Variants in AGBL4 observed in about 807,000 individuals in gnomAD.
AGBL4 encodes cytosolic carboxypeptidase 6.
Under a neutral mutation model 66.4 loss-of-function variants are expected in AGBL4, and 58 were observed. The ratio of observed to expected loss-of-function variants is 0.87; its 90% confidence interval spans 0.71 to 1.09. The LOEUF (loss-of-function observed/expected upper bound fraction) is 1.09. Among genes scored for constraint, AGBL4 ranks in the 50% least tolerant of loss-of-function variants. The pLI, the probability that AGBL4 is intolerant of heterozygous loss-of-function variation, is 0.00. For missense variants in AGBL4, 579 were observed against 631.0 expected (o/e 0.92, Z 0.88); for synonymous variants, 234 against 222.9 (o/e 1.05, Z -0.44).
At chr1:49,586,535 G>A (rs188336736) in intron 3 of AGBL4, among the ~76,000 whole-genome samples, 28 of 152,128 alleles carry the variant, frequency 1.8e-4, no homozygotes, top group African/African-American at 5.8e-4. Flanking sequence ...GTAGAACTAA[G>A]GTTCAGAAAT....
chr1:49,451,119 C>A (rs1208451776), intron 3 of AGBL4, among the ~76,000 whole-genome samples: 1 of 152,012 alleles, frequency 6.6e-6, no homozygotes. Context: ...GTACACATTT[C>A]CTTACTGTTT....
At chr1:48,550,689 A>G (rs1644236419) in intron 11 of AGBL4, among the ~76,000 whole-genome samples, 1 of 152,144 alleles carries the variant, frequency 6.6e-6, no homozygotes, top group Non-Finnish European at 1.5e-5. Flanking sequence ...GAGCTGGCAG[A>G]TGAAACATCC....
At chr1:48,677,051 C>T (rs1005956500) in intron 6 of AGBL4, among the ~76,000 whole-genome samples, 44 of 152,166 alleles carry the variant, frequency 2.9e-4, no homozygotes, top group Non-Finnish European at 2.8e-4. Context: ...CAGTCCCCTC[C>T]AGTTCTAAAA....
chr1:48,913,785 G>A (rs138076662), intron 5 of AGBL4, among the ~76,000 whole-genome samples: 2 of 152,196 alleles, frequency 1.3e-5, no homozygotes, highest in Non-Finnish European at 2.9e-5. Context: ...ACCATCCCTC[G>A]CCCTGACCTA....
chr1:49,690,720 G>A (rs1034007678), intron 3 of AGBL4, among the ~76,000 whole-genome samples: 3 of 152,142 alleles, frequency 2.0e-5, no homozygotes, highest in Non-Finnish European at 2.9e-5. Context: ...CAGAGCAAAT[G>A]AGAACCTGTG....
intron 1 of AGBL4, among the ~76,000 whole-genome samples, chr1:49,974,680 C>A (rs1041152740): frequency 1.3e-5 from 2 of 152,084 alleles, no homozygotes; most frequent in Non-Finnish European, 2.9e-5. Flanking sequence ...ATTTTCATGA[C>A]CCTAATAGGA....
At chr1:49,432,347 G>T (rs1400489172) in intron 3 of AGBL4, among the ~76,000 whole-genome samples, 1 of 152,064 alleles carries the variant, frequency 6.6e-6, no homozygotes, top group Non-Finnish European at 1.5e-5. Context: ...TAATTTCCAG[G>T]CCTTCTTCTT....
intron 5 of AGBL4, among the ~76,000 whole-genome samples, chr1:48,976,074 A>T (rs1027242658): frequency 6.6e-6 from 1 of 152,164 alleles, no homozygotes; most frequent in Admixed American, 6.6e-5. Flanking sequence ...TGGAATGAAG[A>T]TTGGAATATT....
chr1:49,668,718 G>A (rs891052107), intron 3 of AGBL4, among the ~76,000 whole-genome samples: 1 of 152,144 alleles, frequency 6.6e-6, no homozygotes, highest in Non-Finnish European at 1.5e-5. Context: ...TCCCACTCCT[G>A]AATTGATTAG....
rs1194193968 is a variant in AGBL4 at position 48,736,849 on chromosome 1, C to T, written c.635-73608G>A. ...CTCAGAGCCTTACCAAATCTCAGGACACCCATGCTTAACTTCTTTCTGTGT... is the reference window on the plus strand; with the variant it reads ...CTCAGAGCCTTACCAAATCTCAGGATACCCATGCTTAACTTCTTTCTGTGT... On this transcript the variant is annotated intron_variant, in intron 6 of 13. Transcript: ENST00000371839. The surrounding 1 kb of genome is among the most constrained non-coding windows in gnomAD (Gnocchi z 4.0). Among the ~76,000 whole-genome samples the T allele has an allele frequency of 6.6e-6, 1 of 152,174 alleles. No homozygotes were observed. The highest frequency in any genetic ancestry group is 1.9e-4 in the East Asian group (1 of 5,190).
rs928956507 is a variant in AGBL4 at position 49,846,320 on chromosome 1, C to T, written c.157+5076G>A. On this transcript the variant is annotated intron_variant, in intron 2 of 13. Coordinates refer to ENST00000371839, the MANE Select transcript of AGBL4 (RefSeq NM_032785.4). ...CTGGAGGATCCACACAGGAGAGAAG[C>T]CATATGCATGCAGGGACTATGGAAA... 5.9e-6 allele frequency: 9 copies of T among 1,531,584 alleles called. No homozygotes were observed. In the African/African-American group the frequency reaches 1.2e-4, roughly 21 times the overall value. 94.9% of individuals were successfully genotyped at this position (1,531,584 alleles called of 1,614,324 possible).
chr1:49,250,817 G>A (rs1476653635), intron 3 of AGBL4, among the ~76,000 whole-genome samples: 1 of 152,078 alleles, frequency 6.6e-6, no homozygotes, highest in Non-Finnish European at 1.5e-5. Context: ...TGGAACTCTG[G>A]CAGGAGGAGA....
intron 3 of AGBL4, among the ~76,000 whole-genome samples, chr1:49,320,656 C>A (rs1308144795): frequency 6.6e-6 from 1 of 152,144 alleles, no homozygotes; most frequent in East Asian, 1.9e-4. Context: ...CTGAGAGACA[C>A]CCCTCACCAC....
intron 11 of AGBL4, among the ~76,000 whole-genome samples, chr1:48,542,206 G>A (rs1644084557): frequency 6.6e-6 from 1 of 152,174 alleles, no homozygotes; most frequent in African/African-American, 2.4e-5. Flanking sequence ...ATTCCGTGGT[G>A]CATATGTGCC....
chr1:49,337,687 C>A (rs1042325679), intron 3 of AGBL4, among the ~76,000 whole-genome samples: 4 of 152,294 alleles, frequency 2.6e-5, no homozygotes, highest in Middle Eastern at 6.8e-3. Context: ...ATATTTAGCA[C>A]CTTCTACATG....
At chr1:49,385,246 A>C (rs962507256) in intron 3 of AGBL4, among the ~76,000 whole-genome samples, 4 of 152,170 alleles carry the variant, frequency 2.6e-5, no homozygotes, top group African/African-American at 9.7e-5. Context: ...TACAGTTAAC[A>C]CTACTGTATA....
chr1:49,333,456 A>G lies in AGBL4; in HGVS notation c.283-87592T>C, dbSNP rs145897930. Among the ~76,000 whole-genome samples, 1,044 of 152,292 alleles carry G rather than the reference A, an allele frequency of 6.9e-3. 11 individuals carry two copies. Among genetic ancestry groups the G allele is most frequent in the African/African-American group, 0.023 (973 of 41,552 alleles). On this transcript the variant is annotated intron_variant, in intron 3 of 13. Coordinates refer to ENST00000371839, the MANE Select transcript of AGBL4 (RefSeq NM_032785.4). ...TCGTGCCACTGCACTCCAGCCTGGC[A>G]ACAGAGCGAGACTCTGTCTCAAACA...
At chr1:49,751,384 T>C (rs761703506) in intron 2 of AGBL4, among the ~76,000 whole-genome samples, 30 of 152,232 alleles carry the variant, frequency 2.0e-4, no homozygotes, top group Non-Finnish European at 2.9e-4. Flanking sequence ...GAATTACGTT[T>C]ACTGATTTAA....
chr1:49,850,780 A>G (rs912244147), intron 2 of AGBL4, among the ~76,000 whole-genome samples: 30 of 152,138 alleles, frequency 2.0e-4, no homozygotes, highest in African/African-American at 7.0e-4. Flanking sequence ...TACCTTTCTC[A>G]CTAATATTTT....
Sources: gnomAD v4.1 joint callset for allele counts (sites outside exome capture counted in the v4.1 genomes callset) on GRCh38, gnomAD v4.1.1 for gene constraint, Gnocchi (gnomAD v3.1) non-coding constraint, MANE v1.5 for transcripts, NCBI Gene and HGNC (gene_info 2026-07-23, HGNC 2026-07-21) for gene names.